Variants in DGAT1 observed in about 807,000 individuals in gnomAD.
DGAT1 encodes ACAT related gene product 1.
Under a neutral mutation model 72.6 loss-of-function variants are expected in DGAT1, and 60 were observed. The ratio of observed to expected loss-of-function variants is 0.83; its 90% CI spans 0.67 to 1.02. The LOEUF is 1.02. Among genes scored for constraint, DGAT1 ranks in the 50% least tolerant of loss-of-function variants. DGAT1 has a pLI of 0.00. For synonymous variants in DGAT1, 290 were observed against 267.5 expected (o/e 1.08, Z -0.82); for missense variants, 592 against 670.0 (o/e 0.88, Z 1.29).
intron 1 of DGAT1, among the ~76,000 whole-genome samples, chr8:144,325,292 C>T (rs1342594350): frequency 1.3e-5 from 2 of 152,090 alleles, no homozygotes; most frequent in Admixed American, 6.5e-5. Context: ...GGCCTCCGTG[C>T]CCGACCTTTG....
In DGAT1 at chr8:144,315,690, C is replaced by T. The variant is rs781110450; in HGVS notation, c.*864G>A. 57 of 953,444 alleles carry T rather than the reference C, an allele frequency of 6.0e-5. No individual in the cohort carries two copies. The highest frequency in any genetic ancestry group is 6.6e-5 in the Non-Finnish European group (53 of 800,882). The allele number at this position is 953,444 out of a possible 1,614,324, so 59.1% of individuals were successfully genotyped here. ...GGCTGCGCTGTCTGCACTGCCCAGCCTGGTGCCAGAAGAGCAGAGGGCAAG... is the reference window on the plus strand; with the variant it reads ...GGCTGCGCTGTCTGCACTGCCCAGCTTGGTGCCAGAAGAGCAGAGGGCAAG... On this transcript the variant is annotated 3_prime_UTR_variant, in exon 17 of 17. Coordinates refer to ENST00000528718, the MANE Select transcript of DGAT1 (RefSeq NM_012079.6).
At position 144,315,755 on chromosome 8, in the gene DGAT1, G is replaced by A. The variant is rs920385986; in HGVS notation, c.*799C>T. On this transcript the variant is annotated 3_prime_UTR_variant, in exon 17 of 17. Transcript: ENST00000528718. ...CAGGGGTGCCCCAACCTCGTGGAGG[G>A]CAGCTGAGAGCCACCAGCCCACCTG... The A allele has an allele frequency of 5.6e-5, 51 of 917,734 alleles. No individual in the cohort carries two copies. In the Middle Eastern group the frequency reaches 1.6e-3, roughly 30 times the overall value. 56.8% of individuals were successfully genotyped at this position (917,734 alleles called of 1,614,324 possible). A position where few individuals can be genotyped will look rare whatever the true frequency, so the allele number is the denominator to read the frequency against.
chr8:144,318,983 C>T, intron 3 of DGAT1, 45 bp downstream of exon 3: 7 of 1,529,548 alleles, frequency 4.6e-6, no homozygotes, highest in Non-Finnish European at 6.2e-6. Context: ...GGGGCCTGGA[C>T]AGGCCATGGG....
In DGAT1 at chr8:144,317,962, G is replaced by A; in HGVS notation, c.807C>T (p.Arg269=). The change falls in exon 9 of 17, where the codon CGC becomes CGT. Residue 269 remains arginine (R), a synonymous_variant. Transcript: ENST00000528718. ...PTLCYELNFP[R]SPRIRKRFLL... ...GAAAGCGCTTCCGGATGCGGGGAGA[G>A]CGGGGAAAGTTGAGCTCGTAGCACA... is the stretch of plus-strand genomic sequence containing the variant. The A allele has an allele frequency of 3.3e-6, 5 of 1,520,182 alleles. No homozygotes were observed. Among genetic ancestry groups the A allele is most frequent in the Non-Finnish European group, 4.4e-6 (5 of 1,136,610 alleles). 94.2% of individuals were successfully genotyped at this position (1,520,182 alleles called of 1,614,324 possible). A position where few individuals can be genotyped will look rare whatever the true frequency, so the allele number is the denominator to read the frequency against.
At chr8:144,320,739 A>C (rs1319738575) in intron 2 of DGAT1, among the ~76,000 whole-genome samples, 1 of 152,192 alleles carries the variant, frequency 6.6e-6, no homozygotes, top group East Asian at 1.9e-4. Context: ...ACAGGGCTCC[A>C]TCTAATCACC....
chr8:144,319,283 T>C (rs1041834202), intron 2 of DGAT1, among the ~76,000 whole-genome samples: 7 of 152,162 alleles, frequency 4.6e-5, no homozygotes, highest in African/African-American at 1.4e-4. Flanking sequence ...AGTCCCTCCC[T>C]GTCCCCATCA....
intron 2 of DGAT1, among the ~76,000 whole-genome samples, chr8:144,320,621 GC>G (rs1817423545): frequency 6.6e-6 from 1 of 152,090 alleles, no homozygotes; most frequent in Non-Finnish European, 1.5e-5. Context: ...CCCTGCAGGT[GC>G]CCCTTTGAGC....
chr8:144,319,830 G>T (rs920504598), intron 2 of DGAT1, among the ~76,000 whole-genome samples: 4 of 152,202 alleles, frequency 2.6e-5, no homozygotes, highest in African/African-American at 9.7e-5. Context: ...CATTAAGCTG[G>T]GCCCCAATGC....
At chr8:144,320,223 G>A (rs1483856605) in intron 2 of DGAT1, among the ~76,000 whole-genome samples, 5 of 152,252 alleles carry the variant, frequency 3.3e-5, no homozygotes, top group African/African-American at 1.2e-4. Context: ...CAGGGAAAAG[G>A]CTTCAGGGCT....
In DGAT1 at chr8:144,315,541, G is replaced by C. The variant is rs1440736519; in HGVS notation, c.*1013C>G. 10 of 985,416 alleles carry C rather than the reference G, an allele frequency of 1.0e-5. No homozygotes were observed. Among genetic ancestry groups the C allele is most frequent in the South Asian group, 9.4e-5 (2 of 21,300 alleles). The allele number at this position is 985,416 out of a possible 1,614,324, so 61.0% of individuals were successfully genotyped here. A position where few individuals can be genotyped will look rare whatever the true frequency, so the allele number is the denominator to read the frequency against. The stretch of plus-strand genomic sequence containing the variant: ...GGTCTTTAATCAAGCAGTCACCCCA[G>C]CAAGGTAAGGCAGCAGCAGGGCCCT... On this transcript the variant is annotated 3_prime_UTR_variant, in exon 17 of 17. Transcript: ENST00000528718.
rs781922801 is a variant in DGAT1, at chr8:144,316,901, G to T, written c.1263C>A (p.Val421=). The T allele has an allele frequency of 1.9e-5, 30 of 1,612,250 alleles. No individual in the cohort carries two copies. Among genetic ancestry groups the T allele is most frequent in the Non-Finnish European group, 2.5e-5 (30 of 1,179,720 alleles). The change falls in exon 16 of 17, where the codon GTC becomes GTA. Residue 421 remains valine, a synonymous_variant. Transcript: ENST00000528718. ...SAFFHEYLVS[V]PLRMFRLWAF... is the part of the protein sequence containing the mutation. ...CCCAGAGGCGGAACATTCGCAGAGG[G>T]ACGCTCACCAGGTACTGAGATGGGA...
In DGAT1 at chr8:144,316,077, C is replaced by A. The variant is rs1252066113; in HGVS notation, c.*477G>T. On this transcript the variant is annotated 3_prime_UTR_variant, in exon 17 of 17. Coordinates refer to ENST00000528718, the MANE Select transcript of DGAT1 (RefSeq NM_012079.6). Reference sequence around the variant, plus strand: ...CAGCAGGAGTAGCACCAGGAGAGGACGCCTGAGCTGAGCTTTTCTAGGTAG... The same window carrying A: ...CAGCAGGAGTAGCACCAGGAGAGGAAGCCTGAGCTGAGCTTTTCTAGGTAG... 10 of 322,194 alleles carry A rather than the reference C, an allele frequency of 3.1e-5. No homozygotes were observed. Among genetic ancestry groups the A allele is most frequent in the Admixed American group, 5.7e-5 (1 of 17,492 alleles). 20.0% of individuals were successfully genotyped at this position (322,194 alleles called of 1,614,324 possible).
chr8:144,320,784 A>G (rs1247959341), intron 2 of DGAT1, among the ~76,000 whole-genome samples: 2 of 152,088 alleles, frequency 1.3e-5, no homozygotes, highest in African/African-American at 4.8e-5. Context: ...CAGCTGAGGG[A>G]AGGGGCCAGG....
chr8:144,319,087 AGGG>A lies in DGAT1; in HGVS notation c.289-22_289-20del, dbSNP rs1431222541. 1.9e-6 allele frequency: 3 copies of A among 1,552,136 alleles called. No individual in the cohort carries two copies. On this transcript the variant is annotated intron_variant, in intron 2 of 16. Coordinates refer to ENST00000528718, the MANE Select transcript of DGAT1 (RefSeq NM_012079.6). ...TCAAGATCTGCGAGGGATGGACAGG[AGGG>A]TGCAGCCCCTTTAGTCCTGGCCACA...
In DGAT1 at chr8:144,317,385, C is replaced by G; in HGVS notation, c.1042G>C (p.Ala348Pro). ...CCAAACTGCATGAGCTCAGCCACGG[C>G]ATTCAGGCAGGAGTGGAAGAGCCAG... ...FYWLFHSCLN[A>P]VAELMQFGDR... Residue 348 changes from alanine to proline, a missense_variant, in exon 13 of 17, where the codon GCC becomes CCC. Transcript: ENST00000528718. 6.2e-7 allele frequency: 1 copy of G among 1,613,832 alleles called. No homozygotes were observed.
At chr8:144,316,779 A>T (rs1385416230) in intron 16 of DGAT1, 70 bp from the exon 17 acceptor site, 2 of 1,597,298 alleles carry the variant, frequency 1.3e-6, no homozygotes, top group South Asian at 1.1e-5. Context: ...GTCCCTGGGC[A>T]TGGGGAGGGT....
intron 1 of DGAT1, among the ~76,000 whole-genome samples, chr8:144,323,053 C>T (rs1237151861): frequency 2.7e-4 from 41 of 152,328 alleles, no homozygotes; most frequent in African/African-American, 9.6e-4. Flanking sequence ...GTCTGGGGGC[C>T]TCTCCACTGC....
Position 144,326,848 on chromosome 8 carries a change from T to G in DGAT1, c.-212A>C. 3.9e-6 allele frequency: 1 copy of G among 256,336 alleles called. No individual in the cohort carries two copies. The highest frequency in any genetic ancestry group is 6.9e-6 in the Non-Finnish European group (1 of 145,388). 15.9% of individuals were successfully genotyped at this position (256,336 alleles called of 1,614,324 possible). On this transcript the variant is annotated 5_prime_UTR_variant, in exon 1 of 17. Transcript: ENST00000528718. ...AACGGCTGCGTTGCTCCGGAGCCGC[T>G]AACTAATGGACGGCCGCCTCTCTCG...
intron 5 of DGAT1, 30 bp from the exon 6 acceptor site, chr8:144,318,596 G>C (rs1554847682): frequency 6.2e-7 from 1 of 1,607,016 alleles, no homozygotes; most frequent in East Asian, 2.2e-5. Context: ...ACTCAACCAG[G>C]GCTCCCATTG....
Sources: gnomAD v4.1 joint callset for allele counts (sites outside exome capture counted in the v4.1 genomes callset) on GRCh38, gnomAD v4.1.1 for gene constraint, MANE v1.5 for transcripts, NCBI Gene and HGNC (gene_info 2026-07-23, HGNC 2026-07-21) for gene names.